ABCA1: variants seen among roughly 807,000 people sequenced by gnomAD.
ABCA1 encodes phospholipid-transporting ATPase ABCA1.
In ABCA1, 133 loss-of-function variants were observed where a neutral mutation model predicts 262.5. The ratio of observed to expected loss-of-function variants is 0.51; its 90% CI spans 0.44 to 0.59. ABCA1 has a LOEUF of 0.59. Ranked by LOEUF, ABCA1 falls within the 20% of genes least tolerant of loss-of-function variation. ABCA1 has a pLI of 0.00. For synonymous variants in ABCA1, 1,022 were observed against 1,043.5 expected, an observed-to-expected ratio of 0.98 and a Z score of 0.40; for missense variants, 2,452 against 2,777.5, an observed-to-expected ratio of 0.88 and a Z score of 2.63.
At chr9:104,854,919 A>C (rs1835704462) in intron 7 of ABCA1, among the ~76,000 whole-genome samples, 1 of 152,228 alleles carries the variant, frequency 6.6e-6, no homozygotes, top group Admixed American at 6.5e-5. Context: ...ATAAGAACTG[A>C]ATAAATATTG....
intron 28 of ABCA1, among the ~76,000 whole-genome samples, chr9:104,811,486 C>T (rs967924362): frequency 6.6e-6 from 1 of 152,182 alleles, no homozygotes; most frequent in African/African-American, 2.4e-5. Context: ...GTCATTATCT[C>T]CCATGATAGT....
chr9:104,796,777 C>A (rs1019447636), intron 37 of ABCA1, among the ~76,000 whole-genome samples: 2 of 152,142 alleles, frequency 1.3e-5, no homozygotes, highest in Non-Finnish European at 2.9e-5. Context: ...GTGTCTGTTT[C>A]GTCATTAATG....
chr9:104,853,766 C>A (rs1268468239), intron 7 of ABCA1, among the ~76,000 whole-genome samples: 1 of 152,056 alleles, frequency 6.6e-6, no homozygotes, highest in Non-Finnish European at 1.5e-5. Flanking sequence ...CAAATATGGG[C>A]AAGAAAAAGC....
At position 104,817,107 on chromosome 9, in the gene ABCA1, T is replaced by C; in HGVS notation, c.3535+225A>G. ...CCAAACCCCAATCATCTCAGCTCTC[T>C]GGGACACTGCCCTGCTAGCTCCCAA... On this transcript the variant is annotated intron_variant, in intron 24 of 49. Coordinates refer to ENST00000374736, the MANE Select transcript of ABCA1 (RefSeq NM_005502.4). This position sits in a 1 kb window ranked among gnomAD's most constrained non-coding sequence, Gnocchi z 4.7. 1.6e-6 allele frequency: 1 copy of C among 644,722 alleles called. No homozygotes were observed. The highest frequency in any genetic ancestry group is 6.9e-5 in the South Asian group (1 of 14,586). 39.9% of individuals were successfully genotyped at this position (644,722 alleles called of 1,614,324 possible).
At chr9:104,786,465 G>A (rs1828940823) in intron 47 of ABCA1, 75 bp from the exon 48 acceptor site, 1 of 1,273,158 alleles carries the variant, frequency 7.9e-7, no homozygotes, top group Non-Finnish European at 1.1e-6. Context: ...ATGACTTCCA[G>A]CATTCCAGCT....
In ABCA1 at chr9:104,923,145, C is replaced by T. The variant is rs534906980; in HGVS notation, c.-93+4790G>A. On this transcript the variant is annotated intron_variant, in intron 1 of 49. Coordinates refer to ENST00000374736, the MANE Select transcript of ABCA1 (RefSeq NM_005502.4). Reference sequence around the variant, plus strand: ...GCTTATTTCAAAAGGTCCACAACTTCATCAAGGACAGGACAAGCAAGAATC... The same window carrying T: ...GCTTATTTCAAAAGGTCCACAACTTTATCAAGGACAGGACAAGCAAGAATC... Among the ~76,000 whole-genome samples the T allele has an allele frequency of 3.9e-4, 59 of 152,346 alleles. No individual in the cohort carries two copies. The South Asian group carries it at 6.0e-3, about 15-fold the overall frequency.
At chr9:104,799,439 T>G in intron 36 of ABCA1, 1 of 547,062 alleles carries the variant, frequency 1.8e-6, no homozygotes, top group Non-Finnish European at 2.2e-6. Context: ...CACACACAGC[T>G]TAATTTAGGA....
Position 104,903,333 on chromosome 9 carries a change from C to T in ABCA1, c.66+281G>A, listed in dbSNP as rs113220326. 7.1e-3 allele frequency among the ~76,000 whole-genome samples: 1,079 copies of T among 152,254 alleles called. 9 individuals are homozygous for T. The highest frequency in any genetic ancestry group is 0.025 in the African/African-American group (1,027 of 41,542). Reference sequence around the variant, plus strand: ...TGCAGCAAAAGGAAAAAGTGGGGTGCTCAGGGGCGATTCGGAGCCAGGTCC... The same window carrying T: ...TGCAGCAAAAGGAAAAAGTGGGGTGTTCAGGGGCGATTCGGAGCCAGGTCC... On this transcript the variant is annotated intron_variant, in intron 2 of 49. Coordinates refer to ENST00000374736, the MANE Select transcript of ABCA1 (RefSeq NM_005502.4).
At position 104,883,026 on chromosome 9, in the gene ABCA1, G is replaced by A; in HGVS notation, c.421+13C>T. 1.2e-6 allele frequency: 2 copies of A among 1,600,024 alleles called. No individual in the cohort carries two copies. Among genetic ancestry groups the A allele is most frequent in the Non-Finnish European group, 1.7e-6 (2 of 1,167,166 alleles). ...TCCAATTATAAACGGATGCAGAGAA[G>A]GTTTTTACTTACTTGAGCTGGATTT... On this transcript the variant is annotated intron_variant, in intron 5 of 49. Coordinates refer to ENST00000374736, the MANE Select transcript of ABCA1 (RefSeq NM_005502.4).
At chr9:104,907,316 C>G (rs989628866) in intron 1 of ABCA1, among the ~76,000 whole-genome samples, 1 of 152,196 alleles carries the variant, frequency 6.6e-6, no homozygotes, top group African/African-American at 2.4e-5. Context: ...ATATCCTCCC[C>G]TGCAACTGAC....
chr9:104,807,573 T>C (rs1358931594), intron 30 of ABCA1, among the ~76,000 whole-genome samples: 2 of 152,092 alleles, frequency 1.3e-5, no homozygotes, highest in African/African-American at 4.8e-5. Flanking sequence ...CCCAGAACTT[T>C]GGGAGGCGAA....
At chr9:104,822,990 C>T (rs888049261) in intron 18 of ABCA1, among the ~76,000 whole-genome samples, 1 of 150,894 alleles carries the variant, frequency 6.6e-6, no homozygotes, top group Non-Finnish European at 1.5e-5. Context: ...TCCCAGGGAA[C>T]ACTACTCAGC....
chr9:104,835,371 C>T (rs939274219), intron 11 of ABCA1, among the ~76,000 whole-genome samples: 2 of 152,110 alleles, frequency 1.3e-5, no homozygotes, highest in African/African-American at 4.8e-5. Context: ...CACCCTCCTC[C>T]ACTGCAGACC....
intron 12 of ABCA1, among the ~76,000 whole-genome samples, chr9:104,832,099 T>G (rs1220560626): frequency 6.6e-6 from 1 of 152,168 alleles, no homozygotes. Context: ...TTATCTTACT[T>G]TTCTGTTTTC....
At chr9:104,888,565 T>C (rs1839424743) in intron 3 of ABCA1, among the ~76,000 whole-genome samples, 1 of 152,238 alleles carries the variant, frequency 6.6e-6, no homozygotes, top group South Asian at 2.1e-4. Context: ...CTGGAGCCTG[T>C]GTTGTTAGCC....
chr9:104,864,928 G>A (rs551267510), intron 5 of ABCA1, among the ~76,000 whole-genome samples: 1 of 152,318 alleles, frequency 6.6e-6, no homozygotes, highest in East Asian at 1.9e-4. Flanking sequence ...TCCCCCGGAT[G>A]AGACATAAGA....
chr9:104,910,717 A>G (rs1366540120), intron 1 of ABCA1, among the ~76,000 whole-genome samples: 2 of 152,046 alleles, frequency 1.3e-5, no homozygotes, highest in African/African-American at 4.8e-5. Context: ...ACTTTATTTT[A>G]TTTTTTAGAT....
At chr9:104,800,967 G>A (rs1242851271) in intron 34 of ABCA1, among the ~76,000 whole-genome samples, 2 of 152,024 alleles carry the variant, frequency 1.3e-5, no homozygotes, top group Non-Finnish European at 2.9e-5. Context: ...CTCAAAAGCA[G>A]ACTTGTGGAC....
intron 23 of ABCA1, 143 bp downstream of exon 23, chr9:104,818,520 T>C: frequency 1.2e-6 from 1 of 806,628 alleles, no homozygotes; most frequent in Non-Finnish European, 2.1e-6. Context: ...GCCTTAAGTA[T>C]GATATGATTT....
Sources: allele counts gnomAD v4.1 joint callset (sites outside exome capture counted in the v4.1 genomes callset), GRCh38; gene constraint gnomAD v4.1.1; non-coding constraint Gnocchi (gnomAD v3.1); transcripts MANE v1.5; gene names NCBI Gene and HGNC (gene_info 2026-07-23, HGNC 2026-07-21).